The following PCED1B variants were observed in gnomAD, a reference collection of about 807,000 sequenced individuals.
PCED1B encodes the protein PC-esterase domain containing 1B.
For synonymous variants in PCED1B, 251 were observed against 246.1 expected, an observed-to-expected ratio of 1.02 and a Z score of -0.19; for missense variants, 573 against 573.9, an observed-to-expected ratio of 1.00 and a Z score of 0.02.
chr12:47,169,640 A>G (rs1339621223), intron 2 of PCED1B, among the ~76,000 whole-genome samples: 1 of 152,166 alleles, frequency 6.6e-6, no homozygotes, highest in African/African-American at 2.4e-5. Flanking sequence ...CACTTTATAT[A>G]TTTAGCTGCT....
chr12:47,187,945 C>T (rs1316720890), intron 2 of PCED1B: 1 of 154,100 alleles, frequency 6.5e-6, no homozygotes, highest in Non-Finnish European at 1.5e-5. Context: ...CTACCAGCTC[C>T]AAGAACAGGA....
chr12:47,125,541 A>G (rs955615461), intron 2 of PCED1B, among the ~76,000 whole-genome samples: 1 of 152,046 alleles, frequency 6.6e-6, no homozygotes, highest in Non-Finnish European at 1.5e-5. Flanking sequence ...CGATTTTGAC[A>G]AGAGGTCTGC....
intron 2 of PCED1B, among the ~76,000 whole-genome samples, chr12:47,200,384 CAAT>C (rs1195897774): frequency 6.6e-6 from 1 of 152,084 alleles, no homozygotes; most frequent in Non-Finnish European, 1.5e-5. Context: ...CGAACTAAAA[CAAT>C]GAGATACTAT....
chr12:47,130,279 G>A (rs1226798536), intron 2 of PCED1B, among the ~76,000 whole-genome samples: 2 of 152,150 alleles, frequency 1.3e-5, no homozygotes, highest in Admixed American at 6.5e-5. Flanking sequence ...GGGTAGGGTA[G>A]ATAGGAAAAT....
chr12:47,184,769 A>T (rs1942203200), intron 2 of PCED1B, among the ~76,000 whole-genome samples: 1 of 152,148 alleles, frequency 6.6e-6, no homozygotes, highest in South Asian at 2.1e-4. Context: ...AACAAAGATT[A>T]GTCCTTTAAA....
intron 2 of PCED1B, among the ~76,000 whole-genome samples, chr12:47,157,771 A>G (rs1226279631): frequency 6.6e-6 from 1 of 152,186 alleles, no homozygotes; most frequent in Non-Finnish European, 1.5e-5. Flanking sequence ...TGTAAAACTG[A>G]AACTCTGTAC....
At chr12:47,171,594 C>T (rs1941736854) in intron 2 of PCED1B, among the ~76,000 whole-genome samples, 1 of 152,122 alleles carries the variant, frequency 6.6e-6, no homozygotes, top group Non-Finnish European at 1.5e-5. Flanking sequence ...ACCTGGTTTC[C>T]CTAAGATGGA....
intron 2 of PCED1B, chr12:47,138,318 T>C (rs11183756): frequency 0.54 from 82,254 of 152,114 alleles, 23,889 homozygotes; most frequent in Non-Finnish European, 0.63. Flanking sequence ...TAGGAGCCAT[T>C]GCTTCTTGGC....
intron 3 of PCED1B, among the ~76,000 whole-genome samples, chr12:47,229,227 A>G (rs1324644067): frequency 2.0e-5 from 3 of 152,068 alleles, no homozygotes; most frequent in Non-Finnish European, 2.9e-5. Context: ...CAGCTGGCCA[A>G]CATGGTGAAA....
intron 2 of PCED1B, among the ~76,000 whole-genome samples, chr12:47,142,478 A>G (rs1289661953): frequency 6.6e-6 from 1 of 152,196 alleles, no homozygotes; most frequent in Non-Finnish European, 1.5e-5. Flanking sequence ...AACCCCCAAG[A>G]ATTGGATATC....
In PCED1B at chr12:47,122,728, C is replaced by G. The variant is rs1408012344; in HGVS notation, c.-526+18533C>G. On this transcript the variant is annotated intron_variant, in intron 2 of 3. Coordinates refer to ENST00000546455, the MANE Select transcript of PCED1B (RefSeq NM_138371.3). ...ATAAGAATTTGAAGATGGATACAAA[C>G]CTTGGCACTGATGATAGGTGATTTA... Among the ~76,000 whole-genome samples, 6 of 152,114 alleles carry G rather than the reference C, an allele frequency of 3.9e-5. No homozygotes were observed. The South Asian group carries it at 1.2e-3, about 32-fold the overall frequency.
chr12:47,112,443 C>T (rs1592153150), intron 2 of PCED1B, among the ~76,000 whole-genome samples: 1 of 152,138 alleles, frequency 6.6e-6, no homozygotes, highest in East Asian at 1.9e-4. Context: ...AGTTTCTATC[C>T]TGGAGGAAAA....
At chr12:47,186,706 G>A (rs1480209476) in intron 2 of PCED1B, among the ~76,000 whole-genome samples, 1 of 152,132 alleles carries the variant, frequency 6.6e-6, no homozygotes, top group Non-Finnish European at 1.5e-5. Flanking sequence ...CTTTCAGAAG[G>A]AGCATGGCCC....
chr12:47,118,011 C>A (rs1174645541), intron 2 of PCED1B, among the ~76,000 whole-genome samples: 1 of 152,042 alleles, frequency 6.6e-6, no homozygotes, highest in Non-Finnish European at 1.5e-5. Context: ...TGAGAAGTGT[C>A]TGTTCATATC....
At chr12:47,175,697 C>G (rs1049664568) in intron 2 of PCED1B, among the ~76,000 whole-genome samples, 2 of 151,854 alleles carry the variant, frequency 1.3e-5, no homozygotes, top group African/African-American at 4.8e-5. Flanking sequence ...CCTCAGCCTC[C>G]CAAGTAGCTA....
At chr12:47,110,396 G>C (rs969370753) in intron 2 of PCED1B, among the ~76,000 whole-genome samples, 4 of 147,486 alleles carry the variant, frequency 2.7e-5, no homozygotes, top group African/African-American at 7.5e-5. Context: ...ATAGGATTCA[G>C]CCAATCAATT....
At chr12:47,129,046 C>T (rs1223230222) in intron 2 of PCED1B, among the ~76,000 whole-genome samples, 1 of 152,190 alleles carries the variant, frequency 6.6e-6, no homozygotes, top group Non-Finnish European at 1.5e-5. Flanking sequence ...AACTCAGCTG[C>T]TCTCTTCTTT....
intron 3 of PCED1B, among the ~76,000 whole-genome samples, chr12:47,224,999 T>G (rs1943592782): frequency 6.6e-6 from 1 of 152,170 alleles, no homozygotes; most frequent in Admixed American, 6.5e-5. Context: ...TGACACAATC[T>G]TGGCTCACTG....
At chr12:47,186,444 G>A (rs10736031) in intron 2 of PCED1B, among the ~76,000 whole-genome samples, 99,478 of 151,568 alleles carry the variant, frequency 0.66, 33,259 homozygotes, top group South Asian at 0.75. Context: ...ATAAGGTGTT[G>A]TCCCTTTATG....
Sources: allele counts gnomAD v4.1 joint callset (sites outside exome capture counted in the v4.1 genomes callset), GRCh38; gene constraint gnomAD v4.1.1; transcripts MANE v1.5; gene names NCBI Gene and HGNC (gene_info 2026-07-23, HGNC 2026-07-21).